Variants in NRXN2 observed in about 807,000 individuals in gnomAD.
NRXN2 encodes the protein neurexin 2.
Under a neutral mutation model 128.8 loss-of-function variants are expected in NRXN2, and 29 were observed. The observed-to-expected ratio is 0.23, with a 90% CI of 0.17 to 0.31. The LOEUF (loss-of-function observed/expected upper bound fraction) is 0.31, where lower values mean the gene tolerates loss of function less well. Among genes scored for constraint, NRXN2 ranks in the 10% least tolerant of loss-of-function variants. The pLI, the probability that NRXN2 is intolerant of heterozygous loss-of-function variation, is 1.00. For missense variants in NRXN2, 1,881 were observed against 2,452.6 expected, an observed-to-expected ratio of 0.77 and a Z score of 4.92; for synonymous variants, 1,098 against 1,075.2, an observed-to-expected ratio of 1.02 and a Z score of -0.41.
intron 2 of NRXN2, among the ~76,000 whole-genome samples, chr11:64,699,811 G>A (rs551026532): frequency 6.6e-6 from 1 of 152,286 alleles, no homozygotes; most frequent in East Asian, 1.9e-4. Flanking sequence ...GAAGACTGCT[G>A]TGCCAGGATT....
intron 4 of NRXN2, among the ~76,000 whole-genome samples, chr11:64,691,644 C>G (rs2053817114): frequency 6.6e-6 from 1 of 152,200 alleles, no homozygotes; most frequent in Non-Finnish European, 1.5e-5. Flanking sequence ...AGGGGAGCCA[C>G]AGCCAGCACC....
intron 6 of NRXN2, among the ~76,000 whole-genome samples, chr11:64,682,389 C>T (rs2052438634): frequency 6.6e-6 from 1 of 151,752 alleles, no homozygotes; most frequent in African/African-American, 2.4e-5. Flanking sequence ...TTAGGGGACT[C>T]CATCCTTGGG....
intron 4 of NRXN2, 87 bp downstream of exon 4, chr11:64,692,759 AC>A: frequency 7.7e-7 from 1 of 1,295,416 alleles, no homozygotes; most frequent in South Asian, 1.2e-5. Flanking sequence ...GGGGAAGGGG[AC>A]AGGGGAAGGA....
chr11:64,713,004 G>A lies in NRXN2; in HGVS notation c.696C>T (p.Ser232=). 3.4e-6 allele frequency: 5 copies of A among 1,491,076 alleles called. No homozygotes were observed. The highest frequency in any genetic ancestry group is 4.4e-6 in the Non-Finnish European group (5 of 1,125,212). 92.4% of individuals were successfully genotyped at this position (1,491,076 alleles called of 1,614,324 possible). A position where few individuals can be genotyped will look rare whatever the true frequency, so the allele number is the denominator to read the frequency against. Residue 232 remains serine (S), a synonymous_variant, in exon 2 of 23, where the codon AGC becomes AGT. Transcript: ENST00000265459. ...AGAACTTGCCGCCGAAGCCCGTGTG[G>A]CTGCAGTCGCAGCCCACCTCGCCGG... is the stretch of plus-strand genomic sequence containing the variant. ...LAPGEVGCDC[S]HTGFGGKFCS...
intron 12 of NRXN2, among the ~76,000 whole-genome samples, chr11:64,653,253 T>C (rs2047734612): frequency 6.6e-6 from 1 of 151,992 alleles, no homozygotes; most frequent in African/African-American, 2.4e-5. Context: ...TCATCCTCTT[T>C]CCTGCATCCC....
At chr11:64,707,384 CAAAA>C (rs1056912729) in intron 2 of NRXN2, among the ~76,000 whole-genome samples, 1 of 78,936 alleles carries the variant, frequency 1.3e-5, no homozygotes, top group African/African-American at 5.0e-5. Flanking sequence ...GACTCCGTCT[CAAAA>C]AAAAAAAAAA....
At chr11:64,705,445 C>T (rs1200217522) in intron 2 of NRXN2, among the ~76,000 whole-genome samples, 2 of 151,970 alleles carry the variant, frequency 1.3e-5, no homozygotes, top group Non-Finnish European at 2.9e-5. Context: ...TCCCCCCTCT[C>T]TCCTCCCCCG....
At chr11:64,647,636 A>C (rs2135441104) in intron 17 of NRXN2, among the ~76,000 whole-genome samples, 1 of 152,302 alleles carries the variant, frequency 6.6e-6, no homozygotes, top group African/African-American at 2.4e-5. Flanking sequence ...GACAAACTGC[A>C]GCCGGGATTA....
intron 17 of NRXN2, among the ~76,000 whole-genome samples, chr11:64,644,829 T>G (rs1451707672): frequency 6.6e-6 from 1 of 151,858 alleles, no homozygotes; most frequent in Non-Finnish European, 1.5e-5. Flanking sequence ...TGGGAGGGGC[T>G]GGAGAGAGCT....
chr11:64,707,586 T>C (rs1390664814), intron 2 of NRXN2, among the ~76,000 whole-genome samples: 1 of 152,226 alleles, frequency 6.6e-6, no homozygotes, highest in African/African-American at 2.4e-5. Flanking sequence ...GAGCATTTTC[T>C]ATGTACCAGG....
intron 11 of NRXN2, among the ~76,000 whole-genome samples, chr11:64,654,996 A>G (rs1350354479): frequency 6.6e-6 from 1 of 152,122 alleles, no homozygotes; most frequent in Non-Finnish European, 1.5e-5. Flanking sequence ...CCTTTCAGAG[A>G]GGGGCAGTCT....
intron 2 of NRXN2, among the ~76,000 whole-genome samples, chr11:64,704,623 CAG>C (rs61394963): frequency 0.092 from 7,364 of 80,312 alleles, 302 homozygotes; most frequent in Non-Finnish European, 0.098. Flanking sequence ...CACACACACA[CAG>C]AGAGAGAGAG....
At position 64,607,199 on chromosome 11, in the gene NRXN2, G is replaced by T; in HGVS notation, c.5136C>A (p.Val1712=). ...AKKNKDKEYY[V] The stretch of plus-strand genomic sequence containing the variant: ...AGTGGGGCGCAGTGCCGGGGGCTCA[G>T]ACATAATACTCCTTGTCTTTGTTCT... Residue 1712 remains valine (V), a synonymous_variant, in exon 23 of 23, where the codon GTC becomes GTA. Coordinates refer to ENST00000265459, the MANE Select transcript of NRXN2 (RefSeq NM_015080.4). 1 of 1,613,510 alleles carries T rather than the reference G, an allele frequency of 6.2e-7. No individual in the cohort carries two copies. Among genetic ancestry groups the T allele is most frequent in the South Asian group, 1.1e-5 (1 of 91,024 alleles).
In NRXN2 at chr11:64,648,219, G is replaced by A. The variant is rs797045800; in HGVS notation, c.3403C>T (p.Pro1135Ser). Residue 1135 changes from proline (P) to serine (S), a missense_variant and splice_region_variant, in exon 17 of 23, where the codon CCC (proline) becomes TCC (serine). By Grantham distance (74) the Pro-to-Ser change is moderately conservative. Coordinates refer to ENST00000265459, the MANE Select transcript of NRXN2 (RefSeq NM_015080.4). This position sits in a 1 kb window ranked among gnomAD's most constrained non-coding sequence, Gnocchi z 4.1. ...GCCCCCAGCCCTCCCAGGCACTCAC[G>A]ATCATTGCAGACAGGGCCTCCATAG... Reference protein sequence around the residue: ...TSYGGPVCNDPGTTYIFGKGG... With the variant: ...TSYGGPVCNDSGTTYIFGKGG... 3.7e-6 allele frequency: 6 copies of A among 1,614,028 alleles called. No homozygotes were observed. Among genetic ancestry groups the A allele is most frequent in the African/African-American group, 2.7e-5 (2 of 74,934 alleles).
intron 22 of NRXN2, among the ~76,000 whole-genome samples, chr11:64,611,802 G>A (rs2040685709): frequency 6.6e-6 from 1 of 151,996 alleles, no homozygotes; most frequent in Admixed American, 6.6e-5. Flanking sequence ...TCCCAGCCCT[G>A]TCCCCTGCAT....
chr11:64,703,230 T>C (rs1049727565), intron 2 of NRXN2, among the ~76,000 whole-genome samples: 7 of 152,204 alleles, frequency 4.6e-5, no homozygotes, highest in Non-Finnish European at 1.0e-4. Flanking sequence ...GCTGCTTACA[T>C]GGCTCCTGGC....
intron 6 of NRXN2, among the ~76,000 whole-genome samples, chr11:64,681,835 C>T (rs495130): frequency 0.5 from 75,970 of 152,120 alleles, 23,198 homozygotes; most frequent in Non-Finnish European, 0.7. Flanking sequence ...GAGAACAGCA[C>T]AGCAGACCCT....
chr11:64,663,804 CAGATAGAT>C (rs2049390643), intron 9 of NRXN2, among the ~76,000 whole-genome samples: 1 of 152,166 alleles, frequency 6.6e-6, no homozygotes, highest in Non-Finnish European at 1.5e-5. Context: ...CATCCACCAA[CAGATAGAT>C]GGATAAATGC....
chr11:64,639,963 G>C (rs2045415740), intron 17 of NRXN2, among the ~76,000 whole-genome samples: 1 of 152,138 alleles, frequency 6.6e-6, no homozygotes, highest in African/African-American at 2.4e-5. Context: ...TGGTTAACGG[G>C]AGCAAAGGTG....
Sources: gnomAD v4.1 joint callset for allele counts (sites outside exome capture counted in the v4.1 genomes callset) on GRCh38, gnomAD v4.1.1 for gene constraint, Gnocchi (gnomAD v3.1) non-coding constraint, MANE v1.5 for transcripts, NCBI Gene and HGNC (gene_info 2026-07-23, HGNC 2026-07-21) for gene names.